The following KCNIP4 variants were observed in gnomAD, a reference collection of about 807,000 sequenced individuals.
KCNIP4 encodes the protein Kv channel-interacting protein 4.
A neutral mutation model predicts 34.0 loss-of-function variants in KCNIP4; 12 were observed. That is an observed-to-expected ratio of 0.35 (90% CI 0.23 to 0.57). KCNIP4 has a LOEUF of 0.57. Among genes scored for constraint, KCNIP4 ranks in the 20% least tolerant of loss-of-function variants. The probability of loss-of-function intolerance (pLI) is 0.83; values close to 1 mark genes in which losing one functional copy is unlikely to be tolerated. For missense variants in KCNIP4, 238 were observed against 311.7 expected, an observed-to-expected ratio of 0.76 and a Z score of 1.78; for synonymous variants, 124 against 102.2, an observed-to-expected ratio of 1.21 and a Z score of -1.29.
intron 1 of KCNIP4, among the ~76,000 whole-genome samples, chr4:21,799,524 T>C (rs1370460601): frequency 2.6e-5 from 4 of 152,200 alleles, no homozygotes; most frequent in Non-Finnish European, 5.9e-5. Flanking sequence ...ACTAAGAAAT[T>C]AGTACAACAG....
At chr4:21,768,168 A>T (rs1212327572) in intron 1 of KCNIP4, among the ~76,000 whole-genome samples, 1 of 152,152 alleles carries the variant, frequency 6.6e-6, no homozygotes, top group African/African-American at 2.4e-5. Flanking sequence ...AAATAATTAG[A>T]TGGACTAAAC....
chr4:21,489,528 A>G (rs970292585), intron 1 of KCNIP4, among the ~76,000 whole-genome samples: 7 of 152,134 alleles, frequency 4.6e-5, no homozygotes, highest in African/African-American at 1.7e-4. Flanking sequence ...CTGTAGTCCC[A>G]TCATAAATAG....
intron 1 of KCNIP4, among the ~76,000 whole-genome samples, chr4:20,957,179 G>T (rs1733398587): frequency 6.6e-6 from 1 of 152,132 alleles, no homozygotes; most frequent in Non-Finnish European, 1.5e-5. Flanking sequence ...CCAAGAACGG[G>T]TACCTCGGTT....
chr4:21,609,918 C>T (rs959596895), intron 1 of KCNIP4, among the ~76,000 whole-genome samples: 2 of 152,150 alleles, frequency 1.3e-5, no homozygotes, highest in Non-Finnish European at 2.9e-5. Flanking sequence ...CGAATACTAT[C>T]TGAATTGAAA....
intron 1 of KCNIP4, among the ~76,000 whole-genome samples, chr4:21,619,928 C>G (rs2109173018): frequency 6.6e-6 from 1 of 152,312 alleles, no homozygotes; most frequent in African/African-American, 2.4e-5. Context: ...ATTATGATTT[C>G]ACTTCTGTAA....
intron 1 of KCNIP4, chr4:21,852,489 G>A (rs1165576905): frequency 6.6e-6 from 1 of 152,074 alleles, no homozygotes; most frequent in African/African-American, 2.4e-5. Flanking sequence ...ATTGAACTTC[G>A]GCAGAGCAAA....
intron 3 of KCNIP4, among the ~76,000 whole-genome samples, chr4:20,839,118 A>C (rs777313368): frequency 1.3e-5 from 2 of 152,166 alleles, no homozygotes; most frequent in Non-Finnish European, 2.9e-5. Context: ...TTGTAGGGCT[A>C]AGAACAAATC....
Position 21,200,800 on chromosome 4 carries a change from TA to T in KCNIP4, c.62-318092del, listed in dbSNP as rs201412406. On this transcript the variant is annotated intron_variant, in intron 1 of 8. Coordinates refer to ENST00000382152, the MANE Select transcript of KCNIP4 (RefSeq NM_025221.6). ...CCTAAAGCTACTGAAATAAAAAAAA[TA>T]AAAATTTTTTTTTTTAAAAAAAGCA... 1.6e-3 allele frequency among the ~76,000 whole-genome samples: 238 copies of T among 150,062 alleles called. 1 individual carries two copies. The highest frequency in any genetic ancestry group is 5.3e-3 in the African/African-American group (214 of 40,346).
intron 1 of KCNIP4, among the ~76,000 whole-genome samples, chr4:21,343,550 T>C (rs546104400): frequency 6.6e-6 from 1 of 152,240 alleles, no homozygotes; most frequent in African/African-American, 2.4e-5. Context: ...TTGAAACAAT[T>C]CGACCCATAG....
rs545352825 is a variant in KCNIP4 at position 21,032,879 on chromosome 4, C to T, written c.62-150170G>A. On this transcript the variant is annotated intron_variant, in intron 1 of 8. Coordinates refer to ENST00000382152, the MANE Select transcript of KCNIP4 (RefSeq NM_025221.6). ...TTCAGAGATTTCACATCAGGTGAGA[C>T]TTTAAGAAAATAGACTCTGCAGAGA... Among the ~76,000 whole-genome samples, 3 of 152,178 alleles carry T rather than the reference C, an allele frequency of 2.0e-5. No individual in the cohort carries two copies. The South Asian group carries it at 6.2e-4, about 32-fold the overall frequency.
intron 1 of KCNIP4, among the ~76,000 whole-genome samples, chr4:21,558,560 G>T (rs1739265051): frequency 6.7e-6 from 1 of 149,684 alleles, no homozygotes; most frequent in Admixed American, 6.6e-5. Context: ...GCTTTTTCAG[G>T]ATTTAAATTT....
chr4:21,127,268 C>T (rs1176350982), intron 1 of KCNIP4, among the ~76,000 whole-genome samples: 1 of 152,144 alleles, frequency 6.6e-6, no homozygotes, highest in Non-Finnish European at 1.5e-5. Flanking sequence ...GATTAACTGG[C>T]TTTCCTCATT....
intron 1 of KCNIP4, among the ~76,000 whole-genome samples, chr4:21,228,911 G>A (rs1043069744): frequency 6.6e-6 from 1 of 152,158 alleles, no homozygotes. Flanking sequence ...TTCACACAAA[G>A]GCAGATAGCT....
At chr4:21,741,834 C>T (rs545665986) in intron 1 of KCNIP4, among the ~76,000 whole-genome samples, 40 of 152,072 alleles carry the variant, frequency 2.6e-4, no homozygotes, top group South Asian at 1.2e-3. Context: ...GTCAGGAGTT[C>T]GAGACCAGCC....
At chr4:21,783,737 A>G (rs571287419) in intron 1 of KCNIP4, among the ~76,000 whole-genome samples, 1 of 152,308 alleles carries the variant, frequency 6.6e-6, no homozygotes. Flanking sequence ...TAATAGAAAG[A>G]TGAGAATATT....
chr4:21,675,654 A>G (rs1013582604), intron 1 of KCNIP4, among the ~76,000 whole-genome samples: 8 of 152,288 alleles, frequency 5.3e-5, no homozygotes, highest in South Asian at 2.1e-4. Context: ...AAAAATTTCA[A>G]TTTACCACCT....
intron 1 of KCNIP4, among the ~76,000 whole-genome samples, chr4:21,837,542 A>AAAAAAG: frequency 6.7e-6 from 1 of 149,698 alleles, no homozygotes; most frequent in African/African-American, 2.4e-5. Context: ...CAAAAAAAAA[A>AAAAAAG]AAAAAGAAAA....
chr4:21,209,320 C>G (rs957782511), intron 1 of KCNIP4, among the ~76,000 whole-genome samples: 1 of 152,058 alleles, frequency 6.6e-6, no homozygotes, highest in African/African-American at 2.4e-5. Flanking sequence ...TATAGTCATC[C>G]TATAGTGCTA....
At chr4:21,310,427 T>C (rs928631659) in intron 1 of KCNIP4, among the ~76,000 whole-genome samples, 13 of 152,106 alleles carry the variant, frequency 8.5e-5, no homozygotes, top group African/African-American at 3.1e-4. Flanking sequence ...CTTCCCCTCA[T>C]TTTTCAGACC....
Sources: allele counts gnomAD v4.1 joint callset (sites outside exome capture counted in the v4.1 genomes callset), GRCh38; gene constraint gnomAD v4.1.1; transcripts MANE v1.5; gene names NCBI Gene and HGNC (gene_info 2026-07-23, HGNC 2026-07-21).